MAPKAPK2: variants seen among roughly 807,000 people sequenced by gnomAD.
MAPKAPK2 encodes MAP kinase-activated protein kinase 2.
MAPKAPK2 carries 9 observed loss-of-function variants against 48.8 expected under a neutral mutation model. That is an observed-to-expected ratio of 0.18 (90% confidence interval 0.11 to 0.32). The LOEUF (loss-of-function observed/expected upper bound fraction) is 0.32. MAPKAPK2 is among the 10% of genes least tolerant of loss of function. The pLI is 1.00. For missense variants in MAPKAPK2, 331 were observed against 498.3 expected (o/e 0.66, Z 3.20); for synonymous variants, 202 against 190.6 (o/e 1.06, Z -0.49).
Position 206,685,315 on chromosome 1 carries a change from CG to C in MAPKAPK2, c.87del (p.His30ThrfsTer106). 6 of 1,294,114 alleles carry C rather than the reference CG, an allele frequency of 4.6e-6. No individual in the cohort carries two copies. The highest frequency in any genetic ancestry group is 1.6e-5 in the African/African-American group (1 of 62,912). The allele number at this position is 1,294,114 out of a possible 1,614,324, so 80.2% of individuals were successfully genotyped here. On this transcript the variant is annotated frameshift_variant, in exon 1 of 10. Transcript: ENST00000367103. LOFTEE classifies it high-confidence loss of function. Reference protein sequence around the residue: ...PPPQPPTPALPHPPAQPPPPP... With the variant: ...PPPQPPTPALXHPPAQPPPPP... ...CCGCAGCCCCCCACCCCTGCCCTGC[CG>C]CACCCCCCGGCGCAGCCGCCGCCGC...
In MAPKAPK2 at chr1:206,732,288, G is replaced by T. The variant is rs1450880478; in HGVS notation, c.1060-287G>T. The T allele has an allele frequency of 1.4e-6, 2 of 1,448,958 alleles. No individual in the cohort carries two copies. Among genetic ancestry groups the T allele is most frequent in the African/African-American group, 1.4e-5 (1 of 70,060 alleles). 89.8% of individuals were successfully genotyped at this position (1,448,958 alleles called of 1,614,324 possible). A position where few individuals can be genotyped will look rare whatever the true frequency, so the allele number is the denominator to read the frequency against. On this transcript the variant is annotated intron_variant, in intron 9 of 9. Coordinates refer to ENST00000367103, the MANE Select transcript of MAPKAPK2 (RefSeq NM_032960.4). The surrounding 1 kb of genome is among the most constrained non-coding windows in gnomAD (Gnocchi z 4.4). ...ACTGGTTGGGGCAGACCGGACCCAG[G>T]TTTCCTGACTCCTGGCCCAAGTCTC...
At chr1:206,695,315 G>C (rs769866642) in intron 1 of MAPKAPK2, among the ~76,000 whole-genome samples, 1 of 152,116 alleles carries the variant, frequency 6.6e-6, no homozygotes, top group African/African-American at 2.4e-5. Flanking sequence ...ATGATTCTTC[G>C]GCGTGCAGTG....
chr1:206,729,179 C>G (rs1673815222), intron 3 of MAPKAPK2, 80 bp downstream of exon 3: 1 of 1,459,884 alleles, frequency 6.8e-7, no homozygotes, highest in East Asian at 2.3e-5. Flanking sequence ...AGTGCCTGCT[C>G]TTGGGGAAGG....
chr1:206,730,797 G>T, intron 6 of MAPKAPK2, 34 bp downstream of exon 6: 1 of 1,586,250 alleles, frequency 6.3e-7, no homozygotes, highest in Non-Finnish European at 8.7e-7. Flanking sequence ...GGGTGGGGCA[G>T]GGAGTCAGGG....
At chr1:206,694,102 T>C (rs1672539910) in intron 1 of MAPKAPK2, among the ~76,000 whole-genome samples, 4 of 152,196 alleles carry the variant, frequency 2.6e-5, no homozygotes, top group Admixed American at 2.0e-4. Flanking sequence ...CTGGGCAGAG[T>C]CTGACATTGG....
intron 6 of MAPKAPK2, among the ~76,000 whole-genome samples, 160 bp from the exon 7 acceptor site, chr1:206,730,978 G>C (rs534627825): frequency 1.3e-5 from 2 of 152,152 alleles, no homozygotes; most frequent in East Asian, 3.9e-4. Flanking sequence ...CTGGATTCCC[G>C]GGCCCCGGGC....
intron 1 of MAPKAPK2, among the ~76,000 whole-genome samples, chr1:206,712,534 T>C (rs1553429670): frequency 6.6e-6 from 1 of 152,232 alleles, no homozygotes; most frequent in Non-Finnish European, 1.5e-5. Flanking sequence ...TATTTTCTCC[T>C]ACTGTAATCT....
chr1:206,702,019 A>T (rs553638282), intron 1 of MAPKAPK2, among the ~76,000 whole-genome samples: 2 of 152,186 alleles, frequency 1.3e-5, no homozygotes, highest in Non-Finnish European at 2.9e-5. Flanking sequence ...TCTTCAGAGG[A>T]GGTAACCTGG....
rs926328091 is a variant in MAPKAPK2, at chr1:206,731,744, G to A, written c.978+19G>A. 1.2e-6 allele frequency: 2 copies of A among 1,613,204 alleles called. No homozygotes were observed. Among genetic ancestry groups the A allele is most frequent in the Non-Finnish European group, 8.5e-7 (1 of 1,179,226 alleles). ...GATCATGGTAAGCTCGGCAGGCTGG[G>A]GAGCCTTGGGTCTCACGGGACTATT... On this transcript the variant is annotated intron_variant, in intron 8 of 9. Transcript: ENST00000367103. This position sits in a 1 kb window ranked among gnomAD's most constrained non-coding sequence, Gnocchi z 5.9.
At position 206,728,868 on chromosome 1, in the gene MAPKAPK2, A is replaced by T. The variant is rs1673796964; in HGVS notation, c.419+19A>T. On this transcript the variant is annotated intron_variant, in intron 2 of 9. Transcript: ENST00000367103. ...TGGAATGGTAAGCAGCCACTGTTCT[A>T]GTCCCGGCCCAGCCTGTTCCCACTC... The T allele has an allele frequency of 3.1e-6, 5 of 1,613,462 alleles. No homozygotes were observed. The highest frequency in any genetic ancestry group is 1.3e-5 in the African/African-American group (1 of 74,904).
chr1:206,728,829 C>T lies in MAPKAPK2; in HGVS notation c.399C>T (p.Cys133=). 6.2e-7 allele frequency: 1 copy of T among 1,614,168 alleles called. No individual in the cohort carries two copies. Among genetic ancestry groups the T allele is most frequent in the Non-Finnish European group, 8.5e-7 (1 of 1,180,020 alleles). The change falls in exon 2 of 10, where the codon TGC becomes TGT. Residue 133 remains cysteine (C), a synonymous_variant. Transcript: ENST00000367103. ...VYENLYAGRK[C]LLIVMECLDG... ...AGAATCTGTACGCAGGGAGGAAGTG[C>T]CTGCTGATTGTCATGGAATGGTAAG...
In MAPKAPK2 at chr1:206,685,438, TG is replaced by T; in HGVS notation, c.213del (p.Leu72TrpfsTer64). 6.5e-7 allele frequency: 1 copy of T among 1,544,892 alleles called. No individual in the cohort carries two copies. The highest frequency in any genetic ancestry group is 8.8e-7 in the Non-Finnish European group (1 of 1,140,694). On this transcript the variant is annotated frameshift_variant, in exon 1 of 10. Coordinates refer to ENST00000367103, the MANE Select transcript of MAPKAPK2 (RefSeq NM_032960.4). LOFTEE classifies it high-confidence loss of function. ...GACTACAAGGTCACCAGCCAGGTCC[TG>T]GGGCTGGGCATCAACGGCAAAGTTT... ...IDDYKVTSQV[L>X]GLGINGKVLQ... is the part of the protein sequence containing the mutation.
intron 1 of MAPKAPK2, among the ~76,000 whole-genome samples, chr1:206,692,236 T>C (rs1027811526): frequency 6.6e-6 from 1 of 152,170 alleles, no homozygotes; most frequent in African/African-American, 2.4e-5. Flanking sequence ...AAGGAGTGCC[T>C]TCTAATTCAC....
chr1:206,686,724 A>C (rs1166831101), intron 1 of MAPKAPK2, among the ~76,000 whole-genome samples: 2 of 152,254 alleles, frequency 1.3e-5, no homozygotes, highest in Non-Finnish European at 2.9e-5. Context: ...ATATACGATC[A>C]GATGTTTTAA....
intron 1 of MAPKAPK2, 117 bp from the exon 2 acceptor site, chr1:206,728,593 G>A (rs71633601): frequency 0.13 from 147,811 of 1,120,742 alleles, 11,475 homozygotes; most frequent in Middle Eastern, 0.17. Context: ...GGTGGGGGGG[G>A]CCAGCAGGAG....
chr1:206,726,493 C>G (rs1673706342), intron 1 of MAPKAPK2, among the ~76,000 whole-genome samples: 1 of 152,274 alleles, frequency 6.6e-6, no homozygotes, highest in South Asian at 2.1e-4. Context: ...AACCTTGCCT[C>G]CTGCAACTAT....
Position 206,732,480 on chromosome 1 carries a change from C to G in MAPKAPK2, c.1060-95C>G. Reference sequence around the variant, plus strand: ...CCACCCCTGCCGCCCTCACCCTGCCCTTGTTGTCTCTGTCTCTCACGTCTC... The same window carrying G: ...CCACCCCTGCCGCCCTCACCCTGCCGTTGTTGTCTCTGTCTCTCACGTCTC... On this transcript the variant is annotated intron_variant, in intron 9 of 9. Transcript: ENST00000367103. The surrounding 1 kb of genome is among the most constrained non-coding windows in gnomAD (Gnocchi z 4.4). 1 of 1,560,782 alleles carries G rather than the reference C, an allele frequency of 6.4e-7. No homozygotes were observed. The highest frequency in any genetic ancestry group is 8.7e-7 in the Non-Finnish European group (1 of 1,151,142).
At position 206,704,877 on chromosome 1, in the gene MAPKAPK2, GGAA is replaced by G. The variant is rs1415516172; in HGVS notation, c.279+19374_279+19376del. On this transcript the variant is annotated intron_variant, in intron 1 of 9. Transcript: ENST00000367103. This position sits in a 1 kb window ranked among gnomAD's most constrained non-coding sequence, Gnocchi z 4.3. ...TATGTTCAGGGAACTGGGTGAACTT[GGAA>G]GAAGGAGCCGCCCGTTTCTCCAAGT... Among the ~76,000 whole-genome samples the G allele has an allele frequency of 3.2e-4, 48 of 152,236 alleles. No homozygotes were observed. The highest frequency in any genetic ancestry group is 1.1e-3 in the African/African-American group (47 of 41,558).
intron 1 of MAPKAPK2, among the ~76,000 whole-genome samples, chr1:206,693,226 C>T (rs1481086565): frequency 6.6e-6 from 1 of 152,144 alleles, no homozygotes; most frequent in African/African-American, 2.4e-5. Flanking sequence ...AGCCCCTCTG[C>T]CGAACAGCTA....
Sources: allele counts gnomAD v4.1 joint callset (sites outside exome capture counted in the v4.1 genomes callset), GRCh38; gene constraint gnomAD v4.1.1; non-coding constraint Gnocchi (gnomAD v3.1); transcripts MANE v1.5; gene names NCBI Gene and HGNC (gene_info 2026-07-23, HGNC 2026-07-21).